The following MAGI1 variants were observed in gnomAD, a reference collection of about 807,000 sequenced individuals.
MAGI1 encodes the protein membrane associated guanylate kinase, WW and PDZ domain containing 1.
A neutral mutation model predicts 139.9 loss-of-function variants in MAGI1; 58 were observed. The observed-to-expected ratio is 0.41, with a 90% CI of 0.34 to 0.52. MAGI1 has a LOEUF of 0.52. Ranked by LOEUF, MAGI1 falls within the 20% of genes least tolerant of loss-of-function variation. The pLI, the probability that MAGI1 is intolerant of heterozygous loss-of-function variation, is 0.12. For synonymous variants in MAGI1, 812 were observed against 737.9 expected (o/e 1.10, Z -1.63); for missense variants, 1,874 against 1,901.6 (o/e 0.99, Z 0.27).
rs114763158 is a variant in MAGI1 at position 65,434,348 on chromosome 3, G to A, written c.1363+2807C>T. ...ATAAGAGCTCAATAAGTGAGTTATTGTTTTGATGGCGGTGGTGATAGAGTG... is the reference window on the plus strand; with the variant it reads ...ATAAGAGCTCAATAAGTGAGTTATTATTTTGATGGCGGTGGTGATAGAGTG... On this transcript the variant is annotated intron_variant, in intron 10 of 22. Transcript: ENST00000402939. Among the ~76,000 whole-genome samples, 537 of 152,284 alleles carry A rather than the reference G, an allele frequency of 3.5e-3. 3 individuals carry two copies. Among genetic ancestry groups the A allele is most frequent in the African/African-American group, 0.012 (494 of 41,580 alleles).
chr3:65,946,808 AAAATGCTGTTTT>A (rs1420731071), intron 1 of MAGI1, among the ~76,000 whole-genome samples: 2 of 152,188 alleles, frequency 1.3e-5, no homozygotes, highest in Non-Finnish European at 2.9e-5. Context: ...TTAAATATTA[AAAATGCTGTTTT>A]CACCTGCAGA....
At chr3:65,773,219 C>T (rs1486860987) in intron 1 of MAGI1, among the ~76,000 whole-genome samples, 1 of 152,128 alleles carries the variant, frequency 6.6e-6, no homozygotes, top group Non-Finnish European at 1.5e-5. Flanking sequence ...ACAGCCAACA[C>T]CCCCAAAAGA....
intron 1 of MAGI1, among the ~76,000 whole-genome samples, chr3:65,838,440 T>C (rs1186496043): frequency 6.6e-6 from 1 of 152,272 alleles, no homozygotes; most frequent in Admixed American, 6.5e-5. Context: ...TTTTCATCTC[T>C]ATAATTTGAT....
intron 1 of MAGI1, among the ~76,000 whole-genome samples, chr3:65,894,179 G>A (rs1399392372): frequency 6.6e-5 from 10 of 152,094 alleles, no homozygotes; most frequent in Non-Finnish European, 1.3e-4. Flanking sequence ...TGTAAGAACA[G>A]CATAATTTCT....
At chr3:66,030,268 T>C (rs771204282) in intron 1 of MAGI1, among the ~76,000 whole-genome samples, 10 of 152,220 alleles carry the variant, frequency 6.6e-5, no homozygotes, top group African/African-American at 9.6e-5. Context: ...ATGTGATCCA[T>C]CATCAGTCAC....
chr3:65,468,174 T>A (rs559741242), intron 5 of MAGI1, among the ~76,000 whole-genome samples: 4 of 152,276 alleles, frequency 2.6e-5, no homozygotes, highest in African/African-American at 9.6e-5. Context: ...ACCCTTTAGT[T>A]GAGCTCTTAA....
intron 3 of MAGI1, among the ~76,000 whole-genome samples, chr3:65,483,324 C>T (rs1951407155): frequency 6.6e-6 from 1 of 152,178 alleles, no homozygotes; most frequent in Admixed American, 6.5e-5. Context: ...TGCCTCTATG[C>T]ACCCTCTTAC....
intron 1 of MAGI1, among the ~76,000 whole-genome samples, chr3:65,853,252 T>A (rs1308200711): frequency 6.6e-6 from 1 of 152,092 alleles, no homozygotes; most frequent in East Asian, 1.9e-4. Flanking sequence ...GATTTAAAAA[T>A]AAGTCTTCAG....
chr3:65,558,934 C>G (rs1559670249), intron 2 of MAGI1, among the ~76,000 whole-genome samples: 1 of 152,146 alleles, frequency 6.6e-6, no homozygotes, highest in Non-Finnish European at 1.5e-5. Flanking sequence ...AAGCAAAAAA[C>G]TTAAGTAACT....
chr3:65,501,836 T>G (rs1024795639), intron 2 of MAGI1, among the ~76,000 whole-genome samples: 1 of 152,210 alleles, frequency 6.6e-6, no homozygotes, highest in African/African-American at 2.4e-5. Context: ...ATGAATTCAC[T>G]GTGGCACATC....
chr3:65,975,689 T>C (rs1046297748), intron 1 of MAGI1, among the ~76,000 whole-genome samples: 11 of 152,150 alleles, frequency 7.2e-5, no homozygotes, highest in African/African-American at 2.7e-4. Flanking sequence ...AAGATGATTT[T>C]TGCATCACCA....
intron 2 of MAGI1, among the ~76,000 whole-genome samples, chr3:65,523,620 T>C (rs2078256721): frequency 6.6e-6 from 1 of 152,154 alleles, no homozygotes; most frequent in Non-Finnish European, 1.5e-5. Flanking sequence ...ATTGCACAGA[T>C]TAAGAGAATT....
intron 2 of MAGI1, among the ~76,000 whole-genome samples, chr3:65,620,358 G>A (rs1448201715): frequency 6.6e-6 from 1 of 152,072 alleles, no homozygotes; most frequent in East Asian, 1.9e-4. Context: ...GACCCTCCCC[G>A]TGACTTTGTT....
At chr3:65,783,056 T>C (rs1317054918) in intron 1 of MAGI1, among the ~76,000 whole-genome samples, 1 of 151,818 alleles carries the variant, frequency 6.6e-6, no homozygotes, top group East Asian at 1.9e-4. Flanking sequence ...AATGAAAAAC[T>C]TTGGTGTTGC....
intron 2 of MAGI1, among the ~76,000 whole-genome samples, chr3:65,509,116 G>A (rs1343164177): frequency 6.6e-6 from 1 of 152,154 alleles, no homozygotes; most frequent in African/African-American, 2.4e-5. Context: ...TGCCCAGAGG[G>A]AAGCAAAGAG....
chr3:65,437,965 G>T (rs1020587752), intron 9 of MAGI1, among the ~76,000 whole-genome samples: 1 of 152,104 alleles, frequency 6.6e-6, no homozygotes, highest in African/African-American at 2.4e-5. Flanking sequence ...ATACACTGTC[G>T]ATGAGAATGT....
chr3:65,586,676 C>A (rs1393005308), intron 2 of MAGI1, among the ~76,000 whole-genome samples: 1 of 152,016 alleles, frequency 6.6e-6, no homozygotes, highest in Admixed American at 6.6e-5. Context: ...CACAAAAATA[C>A]TAAAATTTTG....
intron 1 of MAGI1, among the ~76,000 whole-genome samples, chr3:65,717,164 C>T (rs550224644): frequency 3.3e-5 from 5 of 152,112 alleles, no homozygotes; most frequent in Admixed American, 6.6e-5. Flanking sequence ...GAAGCAGGCT[C>T]ATCTAAAAGA....
At chr3:65,369,027 G>C (rs2106786336) in intron 18 of MAGI1, among the ~76,000 whole-genome samples, 1 of 152,274 alleles carries the variant, frequency 6.6e-6, no homozygotes, top group Non-Finnish European at 1.5e-5. Context: ...TTCAAGTTCA[G>C]ATTCAGTAAG....
Sources: gnomAD v4.1 joint callset for allele counts (sites outside exome capture counted in the v4.1 genomes callset) on GRCh38, gnomAD v4.1.1 for gene constraint, MANE v1.5 for transcripts, NCBI Gene and HGNC (gene_info 2026-07-23, HGNC 2026-07-21) for gene names.